TTC22: variants seen among roughly 807,000 people sequenced by gnomAD.
TTC22 encodes tetratricopeptide repeat domain 22, also known as tetratricopeptide repeat protein 22.
TTC22 carries 42 observed loss-of-function variants against 48.2 expected under a neutral mutation model. The ratio of observed to expected loss-of-function variants is 0.87; its 90% CI spans 0.68 to 1.13. The LOEUF (loss-of-function observed/expected upper bound fraction) is 1.13. Ranked by LOEUF, TTC22 falls within the 50% of genes most tolerant of loss-of-function variation. The pLI, the probability that TTC22 is intolerant of heterozygous loss-of-function variation, is 0.00. For missense variants in TTC22, 784 were observed against 807.0 expected, an observed-to-expected ratio of 0.97 and a Z score of 0.34; for synonymous variants, 345 against 365.5, an observed-to-expected ratio of 0.94 and a Z score of 0.64.
chr1:54,794,268 G>T (rs764274811), intron 1 of TTC22, among the ~76,000 whole-genome samples: 1 of 152,182 alleles, frequency 6.6e-6, no homozygotes, highest in African/African-American at 2.4e-5. Flanking sequence ...TTAGTGACCC[G>T]ACAGAAACTG....
At chr1:54,784,698 T>C (rs1471482050) in intron 5 of TTC22, 1 of 1,191,504 alleles carries the variant, frequency 8.4e-7, no homozygotes, top group African/African-American at 1.6e-5. Context: ...ATTAAGCCAC[T>C]GAGACCAAGA....
chr1:54,786,671 A>C, intron 4 of TTC22: 2 of 321,568 alleles, frequency 6.2e-6, no homozygotes, highest in East Asian at 5.0e-5. Flanking sequence ...GTGGAGAGGT[A>C]GGGAACTCCT....
chr1:54,780,977 T>G lies in TTC22; in HGVS notation c.*266A>C. The G allele has an allele frequency of 2.9e-6, 1 of 346,848 alleles. No individual in the cohort carries two copies. The highest frequency in any genetic ancestry group is 5.2e-6 in the Non-Finnish European group (1 of 192,732). The allele number at this position is 346,848 out of a possible 1,614,324, so 21.5% of individuals were successfully genotyped here. ...TTATTTTACCTGTATGTCTAGAAAA[T>G]TCTGTCCCTTAATTGGCAGCTTCCC... On this transcript the variant is annotated 3_prime_UTR_variant, in exon 7 of 7. Coordinates refer to ENST00000371276, the MANE Select transcript of TTC22 (RefSeq NM_001114108.2).
rs1427275368 is a variant in TTC22, at chr1:54,782,224, G to C, written c.1173+101C>G. 3.2e-6 allele frequency: 4 copies of C among 1,264,308 alleles called. No individual in the cohort carries two copies. The East Asian group carries it at 7.8e-5, about 25-fold the overall frequency. The allele number at this position is 1,264,308 out of a possible 1,614,324, so 78.3% of individuals were successfully genotyped here. A position where few individuals can be genotyped will look rare whatever the true frequency, so the allele number is the denominator to read the frequency against. Reference sequence around the variant, plus strand: ...GAGATGGGTACTGTTATCAGGGAGTGAAACTTTTTCCTCTGCATCTTGGCC... The same window carrying C: ...GAGATGGGTACTGTTATCAGGGAGTCAAACTTTTTCCTCTGCATCTTGGCC... On this transcript the variant is annotated intron_variant, in intron 6 of 6. Transcript: ENST00000371276.
At position 54,800,903 on chromosome 1, in the gene TTC22, C is replaced by G. The variant is rs1236771738; in HGVS notation, c.261G>C (p.Glu87Asp). 1.2e-6 allele frequency: 2 copies of G among 1,610,126 alleles called. No individual in the cohort carries two copies. The highest frequency in any genetic ancestry group is 2.2e-5 in the East Asian group (1 of 44,772). ...FYLEELDEAR[E>D]CFLEVAHEHP... ...GCTCGTGGGCCACCTCGAGGAAGCA[C>G]TCGCGGGCCTCGTCCAGCTCCTCCA... Residue 87 changes from glutamate (E) to aspartate (D), a missense_variant, in exon 1 of 7, where the codon GAG becomes GAC. By Grantham distance (45) the Glu-to-Asp change is conservative. Transcript: ENST00000371276.
rs367863502 is a variant in TTC22, at chr1:54,782,427, G to A, written c.1071C>T (p.Leu357=). The part of the protein sequence containing the change: ...LHDLKRAKMG[L]GGMPDRNHLA... ...GGTGGTTCCTGTCAGGCATGCCCCC[G>A]AGACCCATCTTGGCCCGCTTGAGGT... is the stretch of plus-strand genomic sequence containing the variant. The change falls in exon 6 of 7, where the codon CTC becomes CTT. Residue 357 remains leucine, a synonymous_variant. Coordinates refer to ENST00000371276, the MANE Select transcript of TTC22 (RefSeq NM_001114108.2). The A allele has an allele frequency of 1.8e-5, 28 of 1,551,428 alleles. 1 individual carries two copies. Among genetic ancestry groups the A allele is most frequent in the African/African-American group, 8.2e-5 (6 of 73,166 alleles).
intron 1 of TTC22, among the ~76,000 whole-genome samples, chr1:54,798,274 C>T (rs538286645): frequency 6.6e-6 from 1 of 152,344 alleles, no homozygotes; most frequent in African/African-American, 2.4e-5. Context: ...ACCATGGGGC[C>T]TTTGCATGCA....
Position 54,801,227 on chromosome 1 carries a change from G to T in TTC22, c.-64C>A. 2 of 1,525,116 alleles carry T rather than the reference G, an allele frequency of 1.3e-6. No homozygotes were observed. 94.5% of individuals were successfully genotyped at this position (1,525,116 alleles called of 1,614,324 possible). A position where few individuals can be genotyped will look rare whatever the true frequency, so the allele number is the denominator to read the frequency against. On this transcript the variant is annotated 5_prime_UTR_variant, in exon 1 of 7. Coordinates refer to ENST00000371276, the MANE Select transcript of TTC22 (RefSeq NM_001114108.2). ...TGAGGCTGTGGAGGGCAGTGGATGG[G>T]GGCGTTCCCCGAGCGAGCTCCGTGC...
chr1:54,785,799 G>A (rs959958142), intron 5 of TTC22, among the ~76,000 whole-genome samples, 184 bp downstream of exon 5: 1 of 152,216 alleles, frequency 6.6e-6, no homozygotes, highest in African/African-American at 2.4e-5. Context: ...GTGACAGAGC[G>A]AGACACTGTC....
chr1:54,795,397 C>G (rs1646383186), intron 1 of TTC22, among the ~76,000 whole-genome samples: 1 of 152,214 alleles, frequency 6.6e-6, no homozygotes, highest in Non-Finnish European at 1.5e-5. Flanking sequence ...TCCCTGCTGC[C>G]ACCTCCTTTC....
intron 1 of TTC22, among the ~76,000 whole-genome samples, chr1:54,796,292 G>A (rs1390350691): frequency 6.6e-6 from 1 of 152,254 alleles, no homozygotes; most frequent in Non-Finnish European, 1.5e-5. Flanking sequence ...CCACCCCGCT[G>A]GGCGCAGTGA....
Position 54,786,028 on chromosome 1 carries a change from T to C in TTC22, c.975A>G (p.Leu325=). 2 of 1,614,100 alleles carry C rather than the reference T, an allele frequency of 1.2e-6. No homozygotes were observed. Among genetic ancestry groups the C allele is most frequent in the Non-Finnish European group, 1.7e-6 (2 of 1,179,994 alleles). Residue 325 remains leucine (L), a synonymous_variant, in exon 5 of 7, where the codon CTA becomes CTG. Coordinates refer to ENST00000371276, the MANE Select transcript of TTC22 (RefSeq NM_001114108.2). ...IGTCNMALDV[L]RDPELNWQAY... is the part of the protein sequence containing the mutation. Reference sequence around the variant, plus strand: ...CCTGCCAGTTGAGTTCTGGATCTCGTAGGACATCCAGGGCCATGTTGCAGG... The same window carrying C: ...CCTGCCAGTTGAGTTCTGGATCTCGCAGGACATCCAGGGCCATGTTGCAGG...
chr1:54,784,111 A>G (rs1646282617), intron 5 of TTC22, among the ~76,000 whole-genome samples: 1 of 152,236 alleles, frequency 6.6e-6, no homozygotes, highest in Non-Finnish European at 1.5e-5. Context: ...GAGGAAGCCA[A>G]TCAGATATCT....
chr1:54,791,433 A>G (rs1646351300), intron 1 of TTC22, among the ~76,000 whole-genome samples: 1 of 152,144 alleles, frequency 6.6e-6, no homozygotes, highest in African/African-American at 2.4e-5. Flanking sequence ...TCTGCAAAGG[A>G]GGATAATCAT....
intron 4 of TTC22, 59 bp downstream of exon 4, chr1:54,786,898 A>G: frequency 1.2e-6 from 1 of 862,442 alleles, no homozygotes; most frequent in Non-Finnish European, 1.7e-6. Flanking sequence ...CTAGGTGGAG[A>G]GGCTGGGGTG....
intron 5 of TTC22, among the ~76,000 whole-genome samples, chr1:54,784,260 C>A (rs1162438797): frequency 6.6e-6 from 1 of 152,200 alleles, no homozygotes; most frequent in African/African-American, 2.4e-5. Context: ...GAGGCTTTTA[C>A]ACAGATAATG....
Position 54,786,034 on chromosome 1 carries a change from A to G in TTC22, c.969T>C (p.Asp323=). The G allele has an allele frequency of 6.2e-7, 1 of 1,614,128 alleles. No individual in the cohort carries two copies. Among genetic ancestry groups the G allele is most frequent in the South Asian group, 1.1e-5 (1 of 91,080 alleles). ...MAIGTCNMAL[D]VLRDPELNWQ... The stretch of plus-strand genomic sequence containing the variant: ...AGTTGAGTTCTGGATCTCGTAGGAC[A>G]TCCAGGGCCATGTTGCAGGTTCCAA... The change falls in exon 5 of 7, where the codon GAT becomes GAC. Residue 323 remains aspartate (D), a synonymous_variant. Coordinates refer to ENST00000371276, the MANE Select transcript of TTC22 (RefSeq NM_001114108.2).
intron 3 of TTC22, 200 bp from the exon 4 acceptor site, chr1:54,787,275 T>C: frequency 3.6e-6 from 2 of 547,956 alleles, no homozygotes; most frequent in South Asian, 2.5e-5. Flanking sequence ...TTTTAGTGCT[T>C]ATTCTGTGCT....
Position 54,781,126 on chromosome 1 carries a change from C to T in TTC22, c.*117G>A. On this transcript the variant is annotated 3_prime_UTR_variant, in exon 7 of 7. Transcript: ENST00000371276. ...CCATTCACAATTCCCGACCAAGAAT[C>T]GAACTGGCTCCGCTCCCAGGTCAGC... 1.4e-6 allele frequency: 1 copy of T among 710,912 alleles called. No homozygotes were observed. The highest frequency in any genetic ancestry group is 2.0e-6 in the Non-Finnish European group (1 of 494,394). The allele number at this position is 710,912 out of a possible 1,614,324, so 44.0% of individuals were successfully genotyped here.
Sources: gnomAD v4.1 joint callset for allele counts (sites outside exome capture counted in the v4.1 genomes callset) on GRCh38, gnomAD v4.1.1 for gene constraint, MANE v1.5 for transcripts, NCBI Gene and HGNC (gene_info 2026-07-23, HGNC 2026-07-21) for gene names.